OXNAD1: variants seen among roughly 807,000 people sequenced by gnomAD.
The protein encoded by OXNAD1 is oxidoreductase NAD-binding domain-containing protein 1.
Under a neutral mutation model 32.9 loss-of-function variants are expected in OXNAD1, and 34 were observed. The ratio of observed to expected loss-of-function variants is 1.03; its 90% confidence interval spans 0.79 to 1.38. The LOEUF (loss-of-function observed/expected upper bound fraction) is 1.38. OXNAD1 is among the 40% of genes most tolerant of loss of function. OXNAD1 has a pLI of 0.00. For missense variants in OXNAD1, 407 were observed against 379.4 expected, an observed-to-expected ratio of 1.07 and a Z score of -0.60; for synonymous variants, 134 against 135.2, an observed-to-expected ratio of 0.99 and a Z score of 0.06.
Position 16,286,213 on chromosome 3 carries a change from A to ACC in OXNAD1, c.184-128_184-127dup, listed in dbSNP as rs1037820614. ...GCTGAACTAAAGCAAAGTGTGTTTT[A>ACC]CCTTGTTTGGCAATTTTCAAAAACC... On this transcript the variant is annotated intron_variant, in intron 4 of 8. Transcript: ENST00000285083. 4 of 685,592 alleles carry ACC rather than the reference A, an allele frequency of 5.8e-6. No individual in the cohort carries two copies. In the African/African-American group the frequency reaches 7.1e-5, roughly 12 times the overall value. 42.5% of individuals were successfully genotyped at this position (685,592 alleles called of 1,614,324 possible).
intron 9 of OXNAD1, chr3:16,323,490 T>G (rs921377636): frequency 1.3e-6 from 2 of 1,556,306 alleles, no homozygotes; most frequent in Non-Finnish European, 1.8e-6. Flanking sequence ...TGAGCCACTT[T>G]ATGCCTTAGA....
At chr3:16,340,026 G>A (rs2071208085), downstream of OXNAD1, among the ~76,000 whole-genome samples, 1 of 152,214 alleles carries the variant, frequency 6.6e-6, no homozygotes, top group African/African-American at 2.4e-5. Context: ...TATTTTGCAT[G>A]TGGAAGTTGG....
chr3:16,327,553 ATC>A lies in OXNAD1; in HGVS notation c.*31-9558_*31-9557del, dbSNP rs1431337879. 6.6e-6 allele frequency among the ~76,000 whole-genome samples: 1 copy of A among 151,962 alleles called. No individual in the cohort carries two copies. Among genetic ancestry groups the A allele is most frequent in the Non-Finnish European group, 1.5e-5 (1 of 67,972 alleles). ...GGCAGGTGGATCACATGGTCAGGAGATCAAGACCATCCTGGCTAACACAGTGA... is the reference window on the plus strand; with the variant it reads ...GGCAGGTGGATCACATGGTCAGGAGAAAGACCATCCTGGCTAACACAGTGA... On this transcript the variant is annotated intron_variant, in intron 9 of 9. Transcript: ENST00000435829. This position sits in a 1 kb window ranked among gnomAD's most constrained non-coding sequence, Gnocchi z 4.2.
chr3:16,283,991 G>A (rs984833609), intron 4 of OXNAD1, among the ~76,000 whole-genome samples: 6 of 152,216 alleles, frequency 3.9e-5, no homozygotes, highest in African/African-American at 9.7e-5. Context: ...TGTGGTTAAG[G>A]TGAGCATCAA....
chr3:16,340,874 C>T (rs1349499325), downstream of OXNAD1, among the ~76,000 whole-genome samples: 2 of 152,038 alleles, frequency 1.3e-5, no homozygotes, highest in Non-Finnish European at 2.9e-5. Context: ...GAAGACAAGT[C>T]AAAGACTAGG....
Position 16,314,484 on chromosome 3 carries a change from ATCAT to A in OXNAD1, c.*30+10900_*30+10903del, listed in dbSNP as rs2068196913. ...TCCTGATGCCCACGCCACTCCCCAGATCATTCATTCACAAGCTCTGCAGGCGAGC... is the reference window on the plus strand; with the variant it reads ...TCCTGATGCCCACGCCACTCCCCAGATCATTCACAAGCTCTGCAGGCGAGC... On this transcript the variant is annotated intron_variant, in intron 9 of 9. Transcript: ENST00000435829. The surrounding 1 kb of genome is among the most constrained non-coding windows in gnomAD (Gnocchi z 4.4). 1.3e-5 allele frequency: 2 copies of A among 152,170 alleles called. No homozygotes were observed. The highest frequency in any genetic ancestry group is 1.3e-4 in the Admixed American group (2 of 15,282). 9.4% of individuals were successfully genotyped at this position (152,170 alleles called of 1,614,324 possible).
chr3:16,323,717 G>T (rs1317637586), intron 9 of OXNAD1, among the ~76,000 whole-genome samples: 1 of 152,206 alleles, frequency 6.6e-6, no homozygotes, highest in Non-Finnish European at 1.5e-5. Flanking sequence ...TCCCTTAATG[G>T]GAAGTAACAG....
intron 5 of OXNAD1, 125 bp downstream of exon 5, chr3:16,286,573 T>C (rs1174818202): frequency 1.3e-6 from 1 of 763,184 alleles, no homozygotes. Context: ...AAATCATATC[T>C]GCTCAGGGTG....
chr3:16,319,275 G>C (rs762933248), intron 9 of OXNAD1, among the ~76,000 whole-genome samples: 1 of 152,194 alleles, frequency 6.6e-6, no homozygotes, highest in Non-Finnish European at 1.5e-5. Flanking sequence ...GAAGTCAGAG[G>C]AAGTTTTACT....
intron 6 of OXNAD1, among the ~76,000 whole-genome samples, chr3:16,296,329 A>G (rs2066790226): frequency 6.6e-6 from 1 of 152,216 alleles, no homozygotes; most frequent in Non-Finnish European, 1.5e-5. Flanking sequence ...CAAAGAAGAC[A>G]TGAGTAAATA....
rs777846059 is a variant in OXNAD1, at chr3:16,316,800, C to T, written c.*30+13208C>T. ...AAGATGCCTTGGGTTTGGCAACTCA[C>T]CTAGTTTTAGCACAAATTGCCCAAG... is the stretch of plus-strand genomic sequence containing the variant. On this transcript the variant is annotated intron_variant, in intron 9 of 9. Transcript: ENST00000435829. The surrounding 1 kb of genome is among the most constrained non-coding windows in gnomAD (Gnocchi z 4.5). 4.3e-6 allele frequency: 7 copies of T among 1,612,860 alleles called. No individual in the cohort carries two copies. The highest frequency in any genetic ancestry group is 3.3e-5 in the Admixed American group (2 of 59,832).
At chr3:16,268,529 C>T (rs1663607294) in intron 1 of OXNAD1, among the ~76,000 whole-genome samples, 1 of 151,770 alleles carries the variant, frequency 6.6e-6, no homozygotes, top group Non-Finnish European at 1.5e-5. Context: ...TGGGGTTTCA[C>T]CATGTTGACC....
At chr3:16,318,601 T>G (rs2125166008) in intron 9 of OXNAD1, among the ~76,000 whole-genome samples, 1 of 131,332 alleles carries the variant, frequency 7.6e-6, no homozygotes, top group South Asian at 2.4e-4. Context: ...ATTCTGAGAT[T>G]TAATACATTA....
In OXNAD1 at chr3:16,280,915, T is replaced by G. The variant is rs2065693180; in HGVS notation, c.184-5427T>G. ...GCATAAATGTTGTTTTATGGAAAAC[T>G]TCATTTCCTGCCATGTGTTTTAACT... On this transcript the variant is annotated intron_variant, in intron 4 of 8. Coordinates refer to ENST00000285083, the MANE Select transcript of OXNAD1 (RefSeq NM_138381.5). The surrounding 1 kb of genome is among the most constrained non-coding windows in gnomAD (Gnocchi z 4.5). Among the ~76,000 whole-genome samples, 1 of 152,236 alleles carries G rather than the reference T, an allele frequency of 6.6e-6. No individual in the cohort carries two copies. The highest frequency in any genetic ancestry group is 2.4e-5 in the African/African-American group (1 of 41,466).
downstream of OXNAD1, among the ~76,000 whole-genome samples, chr3:16,342,014 A>G (rs1020446114): frequency 1.3e-5 from 2 of 152,154 alleles, no homozygotes; most frequent in Non-Finnish European, 2.9e-5. The surrounding 1 kb of genome is among the most constrained non-coding windows in gnomAD (Gnocchi z 4.0). Context: ...TTTAATGACC[A>G]CTTGTCACTT....
chr3:16,333,856 CATA>C (rs988665064), intron 9 of OXNAD1, among the ~76,000 whole-genome samples: 3 of 152,168 alleles, frequency 2.0e-5, no homozygotes, highest in African/African-American at 7.2e-5. Context: ...TGCAGAATCT[CATA>C]AGAAAAATGC....
In OXNAD1 at chr3:16,271,081, T is replaced by G; in HGVS notation, c.119+10T>G. On this transcript the variant is annotated intron_variant, in intron 3 of 8. Coordinates refer to ENST00000285083, the MANE Select transcript of OXNAD1 (RefSeq NM_138381.5). The surrounding 1 kb of genome is among the most constrained non-coding windows in gnomAD (Gnocchi z 4.6). ...ACCTTACTCTAACCAGGTGAGTCAT[T>G]AAGACTTCTGTGTCATTTGAAGTTA... 6.2e-7 allele frequency: 1 copy of G among 1,613,188 alleles called. No individual in the cohort carries two copies. Among genetic ancestry groups the G allele is most frequent in the Non-Finnish European group, 8.5e-7 (1 of 1,179,676 alleles).
At chr3:16,308,857 T>G (rs1575172591), downstream of OXNAD1, among the ~76,000 whole-genome samples, 1 of 152,224 alleles carries the variant, frequency 6.6e-6, no homozygotes, top group East Asian at 1.9e-4. This position sits in a 1 kb window ranked among gnomAD's most constrained non-coding sequence, Gnocchi z 4.4. Context: ...TTGCTATATT[T>G]GAGCATAACA....
Position 16,317,212 on chromosome 3 carries a change from T to C in OXNAD1, c.*30+13620T>C, listed in dbSNP as rs757839572. The C allele has an allele frequency of 1.9e-5, 31 of 1,612,716 alleles. No homozygotes were observed. Among genetic ancestry groups the C allele is most frequent in the Admixed American group, 8.3e-5 (5 of 59,938 alleles). On this transcript the variant is annotated intron_variant, in intron 9 of 9. Transcript: ENST00000435829. This position sits in a 1 kb window ranked among gnomAD's most constrained non-coding sequence, Gnocchi z 4.3. ...TCATCTGCCTGTTGTGCATTTCTTC[T>C]CTGGAGAATCGCCACTGAAACTAGA...
Sources: allele counts gnomAD v4.1 joint callset (sites outside exome capture counted in the v4.1 genomes callset), GRCh38; gene constraint gnomAD v4.1.1; non-coding constraint Gnocchi (gnomAD v3.1); transcripts MANE v1.5; gene names NCBI Gene and HGNC (gene_info 2026-07-23, HGNC 2026-07-21).